Variants in ZNF721 observed in about 807,000 individuals in gnomAD.
The protein encoded by ZNF721 is zinc finger protein 721.
Under a neutral mutation model 2.4 loss-of-function variants are expected in ZNF721, and 2 were observed. The ratio of observed to expected loss-of-function variants is 0.82; its 90% CI spans 0.34 to 2.58. The LOEUF (loss-of-function observed/expected upper bound fraction) is 2.58. Ranked by LOEUF, ZNF721 falls within the 30% of genes most tolerant of loss-of-function variation. The pLI is 0.11. For synonymous variants in ZNF721, 398 were observed against 381.8 expected (o/e 1.04, Z -0.50); for missense variants, 1,187 against 1,085.5 (o/e 1.09, Z -1.31).
chr4:468,916 C>A (rs1348704884), intron 2 of ZNF721, among the ~76,000 whole-genome samples: 1 of 151,954 alleles, frequency 6.6e-6, no homozygotes, highest in Non-Finnish European at 1.5e-5. Context: ...TGTATCAGAA[C>A]AATTAGGCAA....
chr4:491,066 C>A (rs148414619), intron 1 of ZNF721, among the ~76,000 whole-genome samples: 317 of 152,280 alleles, frequency 2.1e-3, no homozygotes, highest in Middle Eastern at 0.01. Context: ...CTCCTGTCTT[C>A]TTCCTTAAAA....
chr4:473,119 A>G (rs1715490920), intron 1 of ZNF721, among the ~76,000 whole-genome samples: 2 of 152,168 alleles, frequency 1.3e-5, no homozygotes, highest in South Asian at 4.1e-4. Context: ...TGATGATTTC[A>G]CTTCACTACG....
At chr4:458,077 CTAGGT>C (rs1168387189) in intron 2 of ZNF721, among the ~76,000 whole-genome samples, 1 of 152,232 alleles carries the variant, frequency 6.6e-6, no homozygotes, top group East Asian at 1.9e-4. Context: ...TGTCCAATGA[CTAGGT>C]TAGAGCATTT....
At position 442,622 on chromosome 4, in the gene ZNF721, A is replaced by C. The variant is rs1415835477; in HGVS notation, c.1845T>G (p.Cys615Trp). ...ATACAAAGTCTTTGCCACACTCTTCACATTTGTAAAGTTTCTCTCCAGTAT... is the reference window on the plus strand; with the variant it reads ...ATACAAAGTCTTTGCCACACTCTTCCCATTTGTAAAGTTTCTCTCCAGTAT... The part of the protein sequence containing the change: ...KIHTGEKLYK[C>W]EECGKDFVWY... The change falls in exon 3 of 3, where the codon TGT (cysteine) becomes TGG (tryptophan). Residue 615 changes from cysteine to tryptophan, a missense_variant. By Grantham distance (215) the Cys-to-Trp change is radical (BLOSUM62 -2). Transcript: ENST00000511833. 2 of 1,613,694 alleles carry C rather than the reference A, an allele frequency of 1.2e-6. No homozygotes were observed. Among genetic ancestry groups the C allele is most frequent in the African/African-American group, 2.7e-5 (2 of 74,916 alleles).
intron 1 of ZNF721, among the ~76,000 whole-genome samples, chr4:490,248 G>A (rs1392923646): frequency 4.6e-5 from 7 of 151,838 alleles, no homozygotes; most frequent in East Asian, 2.0e-4. Flanking sequence ...AGGCTGAGGC[G>A]GGCAGATCAC....
At chr4:495,044 G>A (rs1326561339) in intron 1 of ZNF721, among the ~76,000 whole-genome samples, 1 of 151,742 alleles carries the variant, frequency 6.6e-6, no homozygotes, top group Non-Finnish European at 1.5e-5. Context: ...CACCATGCCC[G>A]GCTAATTTTT....
At chr4:467,054 TAA>T (rs1182304356) in intron 2 of ZNF721, among the ~76,000 whole-genome samples, 3 of 151,940 alleles carry the variant, frequency 2.0e-5, no homozygotes, top group Middle Eastern at 3.4e-3. Flanking sequence ...CCGTCTCTAC[TAA>T]AAATACAAAA....
Position 442,845 on chromosome 4 carries a change from G to A in ZNF721, c.1622C>T (p.Ser541Phe). 3.1e-6 allele frequency: 5 copies of A among 1,613,810 alleles called. No individual in the cohort carries two copies. The highest frequency in any genetic ancestry group is 4.2e-6 in the Non-Finnish European group (5 of 1,179,922). ...CEVCGKAFRQSAILYVHRRIH... is the reference protein window; with the variant it reads ...CEVCGKAFRQFAILYVHRRIH... ...TCTCCTATGTACATAAAGGATTGCGGACTGTCTAAAGGCTTTGCCACATAC... is the reference window on the plus strand; with the variant it reads ...TCTCCTATGTACATAAAGGATTGCGAACTGTCTAAAGGCTTTGCCACATAC... The change falls in exon 3 of 3, where the codon TCC becomes TTC. Residue 541 changes from serine (S) to phenylalanine (F), a missense_variant. Coordinates refer to ENST00000511833, the MANE Select transcript of ZNF721 (RefSeq NM_133474.4).
In ZNF721 at chr4:449,289, G is replaced by A. The variant is rs1553864581; in HGVS notation, c.35-4857C>T. On this transcript the variant is annotated intron_variant, in intron 2 of 2. Coordinates refer to ENST00000511833, the MANE Select transcript of ZNF721 (RefSeq NM_133474.4). The stretch of plus-strand genomic sequence containing the variant: ...GAAATTATCTTCAAATCACGAAAGT[G>A]TTTCTTCCACACACACAAAAGTATA... 4.6e-5 allele frequency among the ~76,000 whole-genome samples: 7 copies of A among 152,080 alleles called. No individual in the cohort carries two copies. The South Asian group carries it at 1.5e-3, about 32-fold the overall frequency.
In ZNF721 at chr4:440,248, T is replaced by G. The variant is rs1714186236; in HGVS notation, c.*1447A>C. On this transcript the variant is annotated 3_prime_UTR_variant, in exon 3 of 3. Transcript: ENST00000511833. ...GTGCATCTTTTATTTCTCTTCTCTTTCATGTAGAAGTCTATGAATAATGCC... is the reference window on the plus strand; with the variant it reads ...GTGCATCTTTTATTTCTCTTCTCTTGCATGTAGAAGTCTATGAATAATGCC... 6.6e-6 allele frequency: 1 copy of G among 152,220 alleles called. No homozygotes were observed. The allele number at this position is 152,220 out of a possible 1,614,324, so 9.4% of individuals were successfully genotyped here.
chr4:471,146 T>C (rs1329271886), intron 2 of ZNF721, among the ~76,000 whole-genome samples: 1 of 152,126 alleles, frequency 6.6e-6, no homozygotes, highest in Non-Finnish European at 1.5e-5. Context: ...ATACAAGGTA[T>C]ATGCTGTATG....
chr4:495,322 ACTTTTGCTC>A (rs1716121673), intron 1 of ZNF721, among the ~76,000 whole-genome samples: 1 of 130,164 alleles, frequency 7.7e-6, no homozygotes, highest in Admixed American at 7.5e-5. Flanking sequence ...AAAAAAAAAA[ACTTTTGCTC>A]AAAAAAAAAA....
chr4:483,249 A>T (rs1715813694), intron 1 of ZNF721, among the ~76,000 whole-genome samples: 1 of 152,180 alleles, frequency 6.6e-6, no homozygotes, highest in African/African-American at 2.4e-5. Flanking sequence ...AAAGACAAAC[A>T]ATCTATAACA....
intron 1 of ZNF721, among the ~76,000 whole-genome samples, chr4:479,194 T>C (rs1553869042): frequency 6.6e-6 from 1 of 152,214 alleles, no homozygotes; most frequent in Non-Finnish European, 1.5e-5. Flanking sequence ...GCTTCTTCCA[T>C]TTCTGTAGCA....
At chr4:463,673 G>A (rs782570387) in intron 2 of ZNF721, among the ~76,000 whole-genome samples, 2 of 152,066 alleles carry the variant, frequency 1.3e-5, no homozygotes, top group Non-Finnish European at 2.9e-5. Context: ...ACCAAACATC[G>A]CATGTTCTCA....
Position 441,860 on chromosome 4 carries a change from T to A in ZNF721, c.2607A>T (p.Glu869Asp). Residue 869 changes from glutamate (E) to aspartate (D), a missense_variant, in exon 3 of 3, where the codon GAA becomes GAT. By Grantham distance (45) the Glu-to-Asp change is conservative. Coordinates refer to ENST00000511833, the MANE Select transcript of ZNF721 (RefSeq NM_133474.4). ...HTGEKPYTCG[E>D]CGKTFRQSAN... is the part of the protein sequence containing the mutation. ...CAGACTGTCTAAAGGTTTTGCCACA[T>A]TCTCCACATGTGTAGGGTTTCTCTC... is the stretch of plus-strand genomic sequence containing the variant. The A allele has an allele frequency of 6.2e-7, 1 of 1,613,830 alleles. No individual in the cohort carries two copies.
At chr4:475,667 T>G (rs1435244016) in intron 1 of ZNF721, among the ~76,000 whole-genome samples, 1 of 152,136 alleles carries the variant, frequency 6.6e-6, no homozygotes, top group African/African-American at 2.4e-5. Context: ...ACCTGTTAGC[T>G]ATGCATGAAT....
chr4:476,787 A>C (rs1715633329), intron 1 of ZNF721, among the ~76,000 whole-genome samples: 1 of 152,212 alleles, frequency 6.6e-6, no homozygotes, highest in African/African-American at 2.4e-5. Flanking sequence ...GTAGTTCTCC[A>C]AAATTGTAGA....
At chr4:489,153 G>A (rs538165450) in intron 1 of ZNF721, among the ~76,000 whole-genome samples, 1 of 152,110 alleles carries the variant, frequency 6.6e-6, no homozygotes, top group Admixed American at 6.5e-5. Context: ...TCCACCCGCC[G>A]TGGGTTTCCC....
Sources: allele counts gnomAD v4.1 joint callset (sites outside exome capture counted in the v4.1 genomes callset), GRCh38; gene constraint gnomAD v4.1.1; transcripts MANE v1.5; gene names NCBI Gene and HGNC (gene_info 2026-07-23, HGNC 2026-07-21).